Variants in MBNL1 observed in about 807,000 individuals in gnomAD.
MBNL1 encodes the protein muscleblind like splicing regulator 1.
In MBNL1, 8 loss-of-function variants were observed where a neutral mutation model predicts 42.2. That is an observed-to-expected ratio of 0.19 (90% CI 0.11 to 0.34). The LOEUF is 0.34. Among genes scored for constraint, MBNL1 ranks in the 10% least tolerant of loss-of-function variants. MBNL1 has a pLI of 1.00. For synonymous variants in MBNL1, 169 were observed against 173.9 expected (o/e 0.97, Z 0.22); for missense variants, 309 against 495.3 (o/e 0.62, Z 3.57).
At chr3:152,268,191 G>A (rs897351120), upstream of MBNL1, 1 of 153,034 alleles carries the variant, frequency 6.5e-6, no homozygotes, top group Non-Finnish European at 1.5e-5. Context: ...AAATCACATG[G>A]TGCAAAGTTG....
intron 2 of MBNL1, among the ~76,000 whole-genome samples, chr3:152,311,719 T>C (rs557473270): frequency 6.6e-6 from 1 of 152,300 alleles, no homozygotes; most frequent in East Asian, 1.9e-4. Flanking sequence ...TTAAGACTTT[T>C]GTTATATGTA....
chr3:152,307,466 C>T (rs2063775142), intron 2 of MBNL1, among the ~76,000 whole-genome samples: 1 of 152,152 alleles, frequency 6.6e-6, no homozygotes, highest in Non-Finnish European at 1.5e-5. Context: ...AGTAAAATAA[C>T]AAGGTGAGTT....
intron 2 of MBNL1, among the ~76,000 whole-genome samples, chr3:152,335,775 A>G (rs2089552091): frequency 6.6e-6 from 1 of 152,136 alleles, no homozygotes; most frequent in South Asian, 2.1e-4. Context: ...TGTAGGTCAA[A>G]TTTTCTTAGA....
chr3:152,318,686 T>C (rs1471536088), intron 2 of MBNL1, among the ~76,000 whole-genome samples: 1 of 152,166 alleles, frequency 6.6e-6, no homozygotes, highest in Admixed American at 6.5e-5. Context: ...AGCATGAGCT[T>C]GATGGATTCA....
intron 2 of MBNL1, among the ~76,000 whole-genome samples, chr3:152,362,339 A>G (rs935802074): frequency 6.6e-6 from 1 of 152,172 alleles, no homozygotes; most frequent in Non-Finnish European, 1.5e-5. Context: ...CAGCACTAGT[A>G]GGGGTGGTTT....
At chr3:152,378,292 C>G (rs927694706) in intron 2 of MBNL1, among the ~76,000 whole-genome samples, 10 of 152,134 alleles carry the variant, frequency 6.6e-5, no homozygotes, top group Admixed American at 2.0e-4. Flanking sequence ...CACAATTTCA[C>G]CACTGCACTC....
At chr3:152,321,901 T>C (rs553838516) in intron 2 of MBNL1, among the ~76,000 whole-genome samples, 1 of 152,098 alleles carries the variant, frequency 6.6e-6, no homozygotes, top group Non-Finnish European at 1.5e-5. Flanking sequence ...GGTTTTGTTG[T>C]TGTTGTTATG....
chr3:152,383,772 A>C (rs918334402), intron 2 of MBNL1, among the ~76,000 whole-genome samples: 1 of 152,078 alleles, frequency 6.6e-6, no homozygotes, highest in Admixed American at 6.6e-5. Context: ...TGTTGCTGCC[A>C]TGTTGGAAAA....
At chr3:152,287,291 A>T (rs2053112316) in intron 1 of MBNL1, among the ~76,000 whole-genome samples, 1 of 152,162 alleles carries the variant, frequency 6.6e-6, no homozygotes, top group Admixed American at 6.5e-5. Context: ...TTAAAATAAT[A>T]TTAATAATCA....
chr3:152,329,199 T>C (rs1483893146), intron 2 of MBNL1, among the ~76,000 whole-genome samples: 2 of 152,076 alleles, frequency 1.3e-5, no homozygotes. Context: ...GAAAAAGGAA[T>C]AATACTGGTA....
At chr3:152,386,192 T>C (rs1383811146) in intron 2 of MBNL1, among the ~76,000 whole-genome samples, 4 of 152,020 alleles carry the variant, frequency 2.6e-5, no homozygotes, top group Non-Finnish European at 4.4e-5. Context: ...TGAAGTGATA[T>C]ATTAGTCAAA....
chr3:152,460,611 T>TAAA (rs1288958334), intron 9 of MBNL1, among the ~76,000 whole-genome samples: 4 of 102,966 alleles, frequency 3.9e-5, no homozygotes, highest in Admixed American at 9.7e-5. Context: ...ACTTAAAGTA[T>TAAA]AAAAAAAAAA....
intron 1 of MBNL1, among the ~76,000 whole-genome samples, chr3:152,274,030 C>T (rs914739889): frequency 2.0e-5 from 3 of 152,110 alleles, no homozygotes; most frequent in African/African-American, 7.2e-5. Context: ...TGATGATGTC[C>T]ATGCTGATGT....
intron 4 of MBNL1, among the ~76,000 whole-genome samples, chr3:152,439,432 A>G (rs1264248948): frequency 6.6e-6 from 1 of 152,184 alleles, no homozygotes; most frequent in Admixed American, 6.5e-5. Context: ...TCTTATCGGT[A>G]GGATTATTTT....
intron 6 of MBNL1, among the ~76,000 whole-genome samples, chr3:152,448,261 C>T (rs1392737753): frequency 1.3e-5 from 2 of 152,146 alleles, no homozygotes; most frequent in South Asian, 2.1e-4. Flanking sequence ...TTATTGGCAT[C>T]AATCAGTACA....
At chr3:152,346,184 C>T (rs1031634573) in intron 2 of MBNL1, among the ~76,000 whole-genome samples, 4 of 152,028 alleles carry the variant, frequency 2.6e-5, no homozygotes, top group African/African-American at 9.7e-5. Flanking sequence ...TGAGGTGAGA[C>T]AGCTAAGCTT....
chr3:152,428,305 G>A (rs755859340), intron 3 of MBNL1, among the ~76,000 whole-genome samples: 34 of 152,156 alleles, frequency 2.2e-4, no homozygotes, highest in Admixed American at 8.5e-4. Flanking sequence ...ACATGAACAA[G>A]ACATAAAGCA....
At chr3:152,292,962 TC>T (rs1388942143) in intron 1 of MBNL1, among the ~76,000 whole-genome samples, 1 of 152,056 alleles carries the variant, frequency 6.6e-6, no homozygotes, top group African/African-American at 2.4e-5. Flanking sequence ...AGATATAGGG[TC>T]CTACTATGTT....
chr3:152,426,392 C>A (rs540974840), intron 3 of MBNL1, among the ~76,000 whole-genome samples: 7 of 152,242 alleles, frequency 4.6e-5, no homozygotes, highest in African/African-American at 9.6e-5. Flanking sequence ...CTTCTGGATT[C>A]TTTTTCCAAA....
Sources: allele counts gnomAD v4.1 joint callset (sites outside exome capture counted in the v4.1 genomes callset), GRCh38; gene constraint gnomAD v4.1.1; transcripts MANE v1.5; gene names NCBI Gene and HGNC (gene_info 2026-07-23, HGNC 2026-07-21).